The following MTMR3 variants were observed in gnomAD, a reference collection of about 807,000 sequenced individuals.
MTMR3 encodes phosphatidylinositol-3,5-bisphosphate 3-phosphatase MTMR3.
In MTMR3, 32 loss-of-function variants were observed where a neutral mutation model predicts 132.4. The ratio of observed to expected loss-of-function variants is 0.24; its 90% CI spans 0.18 to 0.32. The LOEUF is 0.32. Among genes scored for constraint, MTMR3 ranks in the 10% least tolerant of loss-of-function variants. The pLI, the probability that MTMR3 is intolerant of heterozygous loss-of-function variation, is 1.00. For missense variants in MTMR3, 1,216 were observed against 1,489.6 expected, an observed-to-expected ratio of 0.82 and a Z score of 3.02; for synonymous variants, 556 against 550.3, an observed-to-expected ratio of 1.01 and a Z score of -0.14.
At chr22:29,914,808 CTG>C (rs780975539) in intron 1 of MTMR3, among the ~76,000 whole-genome samples, 15 of 152,130 alleles carry the variant, frequency 9.9e-5, no homozygotes, top group Non-Finnish European at 8.8e-5. Context: ...CTGTGAATAT[CTG>C]AGTTTTCCTC....
chr22:29,952,438 G>C (rs550128857), intron 1 of MTMR3, among the ~76,000 whole-genome samples: 2 of 151,708 alleles, frequency 1.3e-5, no homozygotes, highest in South Asian at 2.1e-4. Context: ...ATGTTAGTTG[G>C]AGGTCTCATT....
intron 5 of MTMR3, chr22:29,985,455 G>A (rs7286441): frequency 0.078 from 11,838 of 152,158 alleles, 535 homozygotes; most frequent in African/African-American, 0.092. Flanking sequence ...AACCAAGATC[G>A]CGCCATTGCA....
At chr22:29,885,232 T>G (rs1388719096) in intron 1 of MTMR3, among the ~76,000 whole-genome samples, 2 of 152,204 alleles carry the variant, frequency 1.3e-5, no homozygotes, top group Non-Finnish European at 2.9e-5. Flanking sequence ...GCTCCGTGAA[T>G]GATTCTGGTC....
Position 29,978,971 on chromosome 22 carries a change from G to A in MTMR3, c.129G>A (p.Glu43=), listed in dbSNP as rs147417115. The change falls in exon 5 of 20, where the codon GAG becomes GAA. Residue 43 remains glutamate, a synonymous_variant. Coordinates refer to ENST00000401950, the MANE Select transcript of MTMR3 (RefSeq NM_021090.4). ...PFLELHGEST[E]FVGRAEDAII... is the part of the protein sequence containing the mutation. The stretch of plus-strand genomic sequence containing the variant: ...TTGAACTTCATGGAGAGAGCACAGA[G>A]TTTGTGGGCCGTGCCGAGGATGCCA... The A allele has an allele frequency of 5.1e-4, 829 of 1,613,912 alleles. 2 individuals are homozygous for A. The African/African-American group carries it at 9.5e-3, about 19-fold the overall frequency.
chr22:29,971,103 C>T, intron 3 of MTMR3, 41 bp downstream of exon 3: 1 of 1,568,860 alleles, frequency 6.4e-7, no homozygotes, highest in Non-Finnish European at 8.6e-7. Context: ...AAACAAAAAA[C>T]CCTGTGTCCT....
intron 5 of MTMR3, chr22:29,982,461 C>T (rs1368393062): frequency 6.6e-6 from 1 of 151,964 alleles, no homozygotes. Context: ...ATGTGTATTT[C>T]AATAAAATGT....
At chr22:29,924,805 C>CT (rs1360383640) in intron 1 of MTMR3, among the ~76,000 whole-genome samples, 2 of 151,826 alleles carry the variant, frequency 1.3e-5, no homozygotes, top group Admixed American at 6.6e-5. Flanking sequence ...CTAAGTAATT[C>CT]TTTTTTATGC....
At position 29,998,757 on chromosome 22, in the gene MTMR3, C is replaced by T. The variant is rs763703337; in HGVS notation, c.461-4C>T. The T allele has an allele frequency of 1.9e-6, 3 of 1,610,916 alleles. No homozygotes were observed. The highest frequency in any genetic ancestry group is 2.5e-6 in the Non-Finnish European group (3 of 1,178,350). ...CCTTTCTGCTGTTTATCTTTGGCCT[C>T]TAGGGGAGCATGTAACTTCAAGGTT... On this transcript the variant is annotated splice_region_variant and splice_polypyrimidine_tract_variant and intron_variant, in intron 7 of 19. Transcript: ENST00000401950.
intron 2 of MTMR3, among the ~76,000 whole-genome samples, chr22:29,959,759 ATTTT>A (rs35031180): frequency 6.0e-5 from 8 of 133,898 alleles, no homozygotes; most frequent in Admixed American, 1.5e-4. Context: ...AAAAGTGTTA[ATTTT>A]TTTTTTTTTT....
chr22:29,986,430 C>T, intron 5 of MTMR3: 1 of 416,946 alleles, frequency 2.4e-6, no homozygotes. Context: ...GCAAAGTTAT[C>T]TTCTAATCTG....
At chr22:29,910,349 C>G (rs2065186722) in intron 1 of MTMR3, among the ~76,000 whole-genome samples, 1 of 152,130 alleles carries the variant, frequency 6.6e-6, no homozygotes, top group South Asian at 2.1e-4. Context: ...GTAAACTGAT[C>G]AGTTAAAGTG....
At chr22:29,951,024 G>A (rs1028493694) in intron 1 of MTMR3, among the ~76,000 whole-genome samples, 2 of 152,062 alleles carry the variant, frequency 1.3e-5, no homozygotes, top group African/African-American at 4.8e-5. Flanking sequence ...GGTGGCATGA[G>A]CTTGTAATCT....
chr22:29,956,645 A>G (rs1351162920), intron 1 of MTMR3, among the ~76,000 whole-genome samples: 2 of 152,190 alleles, frequency 1.3e-5, no homozygotes, highest in African/African-American at 4.8e-5. Flanking sequence ...AACACCTTAA[A>G]ATAAGTCCAA....
chr22:29,885,797 G>C (rs1490310873), intron 1 of MTMR3, among the ~76,000 whole-genome samples: 1 of 152,204 alleles, frequency 6.6e-6, no homozygotes, highest in Non-Finnish European at 1.5e-5. Flanking sequence ...ATCTGCTGTA[G>C]TTCTAGTTAA....
chr22:30,019,435 A>C, intron 16 of MTMR3, 45 bp from the exon 17 acceptor site: 2 of 1,544,134 alleles, frequency 1.3e-6, no homozygotes, highest in South Asian at 1.2e-5. Flanking sequence ...ACTTCCTCCA[A>C]ACAGTTTCCA....
chr22:29,971,265 C>A (rs1177442714), intron 3 of MTMR3, among the ~76,000 whole-genome samples: 2 of 151,942 alleles, frequency 1.3e-5, no homozygotes, highest in African/African-American at 4.8e-5. Context: ...AGTTTCATTT[C>A]TGTTAACTTT....
rs185000515 is a variant in MTMR3 at position 29,947,647 on chromosome 22, A to G, written c.-137-9389A>G. On this transcript the variant is annotated intron_variant, in intron 1 of 19. Transcript: ENST00000401950. ...TGCAGTTACTTAAAAGCATACGGGG[A>G]GAAATTCCTTTTACTACTTGTTAGC... Among the ~76,000 whole-genome samples, 4 of 152,232 alleles carry G rather than the reference A, an allele frequency of 2.6e-5. No homozygotes were observed. The East Asian group carries it at 7.7e-4, about 29-fold the overall frequency.
At chr22:29,987,456 G>A (rs747251736) in intron 5 of MTMR3, 5 of 152,230 alleles carry the variant, frequency 3.3e-5, no homozygotes, top group Non-Finnish European at 7.3e-5. Context: ...AACTCCCAGA[G>A]CCACATTTTG....
intron 3 of MTMR3, among the ~76,000 whole-genome samples, chr22:29,975,481 AG>A (rs1357958208): frequency 6.6e-6 from 1 of 152,250 alleles, no homozygotes; most frequent in African/African-American, 2.4e-5. Context: ...AAATATATAA[AG>A]AAAATGCAGC....
Sources: gnomAD v4.1 joint callset for allele counts (sites outside exome capture counted in the v4.1 genomes callset) on GRCh38, gnomAD v4.1.1 for gene constraint, MANE v1.5 for transcripts, NCBI Gene and HGNC (gene_info 2026-07-23, HGNC 2026-07-21) for gene names.